KCTD9: variants seen among roughly 807,000 people sequenced by gnomAD.
The protein encoded by KCTD9 is potassium channel tetramerization domain containing 9.
KCTD9 carries 17 observed loss-of-function variants against 53.3 expected under a neutral mutation model. The observed-to-expected ratio is 0.32, with a 90% CI of 0.22 to 0.48. The LOEUF is 0.48. Ranked by LOEUF, KCTD9 falls within the 20% of genes least tolerant of loss-of-function variation. The pLI is 0.99. For missense variants in KCTD9, 179 were observed against 465.5 expected (o/e 0.38, Z 5.66); for synonymous variants, 128 against 162.7 (o/e 0.79, Z 1.62).
Position 25,435,354 on chromosome 8 carries a change from G to C in KCTD9, c.813+9C>G, listed in dbSNP as rs1399235613. On this transcript the variant is annotated intron_variant, in intron 9 of 11. Transcript: ENST00000221200. ...TTAATTTTCTCTTGTAGCCTAAAAT[G>C]ATACTTACGTCAAGCACTGATCCAG... 6.4e-7 allele frequency: 1 copy of C among 1,553,310 alleles called. No individual in the cohort carries two copies. Among genetic ancestry groups the C allele is most frequent in the South Asian group, 1.2e-5 (1 of 81,974 alleles).
At chr8:25,441,634 A>G (rs1274335482) in intron 3 of KCTD9, among the ~76,000 whole-genome samples, 1 of 152,194 alleles carries the variant, frequency 6.6e-6, no homozygotes, top group Non-Finnish European at 1.5e-5. Context: ...AAAGAAATAC[A>G]AGAGTGATTA....
intron 1 of KCTD9, among the ~76,000 whole-genome samples, chr8:25,455,309 G>T (rs1007270663): frequency 6.6e-6 from 1 of 151,972 alleles, no homozygotes; most frequent in Non-Finnish European, 1.5e-5. Context: ...AAAAAAATCT[G>T]AAGCCATTTG....
chr8:25,437,847 CAAAAAAAAAA>C (rs59540797), intron 6 of KCTD9, among the ~76,000 whole-genome samples: 2 of 62,534 alleles, frequency 3.2e-5, no homozygotes, highest in African/African-American at 1.4e-4. Flanking sequence ...GACCCTGTCT[CAAAAAAAAAA>C]AAAAAAAAAA....
chr8:25,454,152 G>A (rs964804888), intron 1 of KCTD9, among the ~76,000 whole-genome samples: 2 of 152,160 alleles, frequency 1.3e-5, no homozygotes, highest in African/African-American at 4.8e-5. Context: ...CTCTCAAAGT[G>A]CTGGGATTAC....
At chr8:25,450,022 T>C (rs969757851) in intron 1 of KCTD9, among the ~76,000 whole-genome samples, 10 of 152,146 alleles carry the variant, frequency 6.6e-5, no homozygotes, top group African/African-American at 2.4e-4. Context: ...AAACCACACA[T>C]ACTGCTTGGC....
chr8:25,448,543 C>T (rs1360925894), intron 1 of KCTD9, among the ~76,000 whole-genome samples: 3 of 152,148 alleles, frequency 2.0e-5, no homozygotes, highest in African/African-American at 7.2e-5. Context: ...TTTGTTCCAT[C>T]TTTTATCACA....
chr8:25,432,487 AG>A lies in KCTD9; in HGVS notation c.1053+16del. The A allele has an allele frequency of 1.2e-6, 2 of 1,605,752 alleles. No homozygotes were observed. Among genetic ancestry groups the A allele is most frequent in the Non-Finnish European group, 1.7e-6 (2 of 1,176,706 alleles). ...AGTCTAGAGTAATAAAAATTCTTAA[AG>A]TGTTGGTGAACTCACCTCTAAATCA... On this transcript the variant is annotated intron_variant, in intron 11 of 11. Transcript: ENST00000221200.
chr8:25,434,095 T>C (rs189004431), intron 9 of KCTD9, among the ~76,000 whole-genome samples: 1 of 152,294 alleles, frequency 6.6e-6, no homozygotes, highest in Non-Finnish European at 1.5e-5. Context: ...TTTAAGACTT[T>C]ATTTTTTTGT....
intron 1 of KCTD9, among the ~76,000 whole-genome samples, chr8:25,454,753 A>C (rs1802399813): frequency 6.6e-6 from 1 of 152,260 alleles, no homozygotes; most frequent in African/African-American, 2.4e-5. Context: ...ACTTTTGGGC[A>C]TGTACTCAAA....
chr8:25,452,127 A>C (rs1802336434), intron 1 of KCTD9, among the ~76,000 whole-genome samples: 1 of 152,214 alleles, frequency 6.6e-6, no homozygotes, highest in Admixed American at 6.5e-5. Context: ...TAGTAACTAA[A>C]TACAGAACTC....
intron 1 of KCTD9, among the ~76,000 whole-genome samples, chr8:25,455,161 G>T (rs576156108): frequency 2.5e-4 from 38 of 152,170 alleles, no homozygotes; most frequent in African/African-American, 9.1e-4. Context: ...GGGGGCAGAG[G>T]TTGCAGTGAG....
At position 25,428,662 on chromosome 8, in the gene KCTD9, A is replaced by C. The variant is rs536815021; in HGVS notation, c.*1195T>G. 22 of 152,226 alleles carry C rather than the reference A, an allele frequency of 1.4e-4. No homozygotes were observed. The East Asian group carries it at 4.2e-3, about 29-fold the overall frequency. The allele number at this position is 152,226 out of a possible 1,614,324, so 9.4% of individuals were successfully genotyped here. A position where few individuals can be genotyped will look rare whatever the true frequency, so the allele number is the denominator to read the frequency against. The stretch of plus-strand genomic sequence containing the variant: ...ATTGGGCTAAAATTTGTTTAAAAAA[A>C]AAAAACCACAAAAAAATAAGTAAAA... On this transcript the variant is annotated 3_prime_UTR_variant, in exon 12 of 12. Transcript: ENST00000221200.
intron 1 of KCTD9, among the ~76,000 whole-genome samples, chr8:25,449,546 T>A (rs866199069): frequency 1.4e-5 from 2 of 142,220 alleles, no homozygotes; most frequent in South Asian, 2.2e-4. Context: ...TACTTCCATA[T>A]GATTGACTTG....
intron 1 of KCTD9, among the ~76,000 whole-genome samples, chr8:25,450,766 C>T (rs7817173): frequency 0.42 from 63,338 of 152,076 alleles, 13,816 homozygotes; most frequent in African/African-American, 0.56. Context: ...GCTGGGATTA[C>T]AGGCATGAGC....
intron 6 of KCTD9, among the ~76,000 whole-genome samples, chr8:25,436,780 T>C (rs1222124295): frequency 6.7e-6 from 1 of 148,442 alleles, no homozygotes; most frequent in Non-Finnish European, 1.5e-5. Context: ...TCATTTATCA[T>C]TTACTTTAAC....
chr8:25,440,470 T>A (rs1233578747), intron 4 of KCTD9, 107 bp downstream of exon 4: 2 of 789,950 alleles, frequency 2.5e-6, no homozygotes, highest in Non-Finnish European at 4.4e-6. Context: ...CATAGTATAT[T>A]TAAGCAGCAT....
Position 25,446,248 on chromosome 8 carries a change from C to T in KCTD9, c.51G>A (p.Val17=). 6.2e-7 allele frequency: 1 copy of T among 1,613,652 alleles called. No homozygotes were observed. The highest frequency in any genetic ancestry group is 2.2e-5 in the East Asian group (1 of 44,850). The change falls in exon 2 of 12, where the codon GTG becomes GTA. Residue 17 remains valine, a splice_region_variant and synonymous_variant. Transcript: ENST00000221200. ...CAGATAAAGTTCCATATACAGCAAC[C>T]ACCTGTAAACACACCAGAATAATAT... ...FLNGSPKNGK[V]VAVYGTLSDL... is the part of the protein sequence containing the mutation.
At chr8:25,438,069 A>C (rs974473749) in intron 6 of KCTD9, among the ~76,000 whole-genome samples, 3 of 152,096 alleles carry the variant, frequency 2.0e-5, no homozygotes, top group Non-Finnish European at 2.9e-5. Context: ...CTTTTTGAAC[A>C]CTTGAACAAA....
chr8:25,453,480 CCT>C (rs1202116244), intron 1 of KCTD9, among the ~76,000 whole-genome samples: 1 of 151,552 alleles, frequency 6.6e-6, no homozygotes, highest in African/African-American at 2.4e-5. Context: ...ATGGTGAAAC[CCT>C]GTCTCTACTA....
Sources: allele counts gnomAD v4.1 joint callset (sites outside exome capture counted in the v4.1 genomes callset), GRCh38; gene constraint gnomAD v4.1.1; transcripts MANE v1.5; gene names NCBI Gene and HGNC (gene_info 2026-07-23, HGNC 2026-07-21).